PHC3: variants seen among roughly 807,000 people sequenced by gnomAD.
The protein encoded by PHC3 is polyhomeotic homolog 3.
PHC3 carries 13 observed loss-of-function variants against 107.4 expected under a neutral mutation model. The observed-to-expected ratio is 0.12, with a 90% CI of 0.08 to 0.19. The LOEUF (loss-of-function observed/expected upper bound fraction) is 0.19, where lower values mean the gene tolerates loss of function less well. PHC3 is among the 10% of genes least tolerant of loss of function. The pLI, the probability that PHC3 is intolerant of heterozygous loss-of-function variation, is 1.00. For missense variants in PHC3, 992 were observed against 1,210.9 expected, an observed-to-expected ratio of 0.82 and a Z score of 2.68; for synonymous variants, 456 against 427.4, an observed-to-expected ratio of 1.07 and a Z score of -0.83.
chr3:170,102,860 T>C lies in PHC3; in HGVS notation c.2543A>G (p.His848Arg), dbSNP rs371746840. ...AGGGCCACTTGGACGACGGCCACGATGCCCAAGACTTTGATTATCAGGCTT... is the reference window on the plus strand; with the variant it reads ...AGGGCCACTTGGACGACGGCCACGACGCCCAAGACTTTGATTATCAGGCTT... ...NRKPDNQSLGHRGRRPSGPDG... is the reference protein window; with the variant it reads ...NRKPDNQSLGRRGRRPSGPDG... Residue 848 changes from histidine to arginine, a missense_variant, in exon 13 of 15, where the codon CAT (histidine) becomes CGT (arginine). Coordinates refer to ENST00000495893, the MANE Select transcript of PHC3 (RefSeq NM_024947.4). The C allele has an allele frequency of 1.2e-6, 2 of 1,613,866 alleles. No homozygotes were observed. Among genetic ancestry groups the C allele is most frequent in the African/African-American group, 1.3e-5 (1 of 75,058 alleles).
At chr3:170,115,664 A>T (rs1718778854) in intron 10 of PHC3, among the ~76,000 whole-genome samples, 1 of 152,222 alleles carries the variant, frequency 6.6e-6, no homozygotes, top group Admixed American at 6.5e-5. Flanking sequence ...ATGGCCATGA[A>T]GTGCCAGGTA....
Position 170,097,387 on chromosome 3 carries a change from G to A in PHC3, c.2834-3C>T, listed in dbSNP as rs1243939657. On this transcript the variant is annotated splice_polypyrimidine_tract_variant and splice_region_variant and intron_variant, in intron 14 of 14. Coordinates refer to ENST00000495893, the MANE Select transcript of PHC3 (RefSeq NM_024947.4). The surrounding 1 kb of genome is among the most constrained non-coding windows in gnomAD (Gnocchi z 4.1). ...TTCATCTGCGATATCCTGGCAGCCT[G>A]GAATTTGACCAGAGGACAGAAGTTA... The A allele has an allele frequency of 6.2e-7, 1 of 1,611,524 alleles. No homozygotes were observed. The highest frequency in any genetic ancestry group is 1.3e-5 in the African/African-American group (1 of 74,792).
chr3:170,140,656 C>G (rs1277633424), intron 6 of PHC3, among the ~76,000 whole-genome samples: 1 of 128,488 alleles, frequency 7.8e-6, no homozygotes, highest in Admixed American at 9.7e-5. Context: ...TGTAGTGGTG[C>G]GATCTCGGCT....
In PHC3 at chr3:170,091,520, A is replaced by C. The variant is rs1237136474; in HGVS notation, c.*5710T>G. ...ATTAAAATTGTCATCTTTAAGTAAA[A>C]TTAAATGTCAACAAACTATAAAAGG... On this transcript the variant is annotated 3_prime_UTR_variant, in exon 15 of 15. Coordinates refer to ENST00000495893, the MANE Select transcript of PHC3 (RefSeq NM_024947.4). The C allele has an allele frequency of 6.6e-6, 1 of 152,216 alleles. No homozygotes were observed. The highest frequency in any genetic ancestry group is 1.5e-5 in the Non-Finnish European group (1 of 68,034). The allele number at this position is 152,216 out of a possible 1,614,324, so 9.4% of individuals were successfully genotyped here. A position where few individuals can be genotyped will look rare whatever the true frequency, so the allele number is the denominator to read the frequency against.
intron 4 of PHC3, among the ~76,000 whole-genome samples, chr3:170,158,020 TAAAG>T (rs1444386257): frequency 3.9e-5 from 6 of 151,950 alleles, no homozygotes; most frequent in Admixed American, 1.3e-4. Flanking sequence ...AACCAATAAA[TAAAG>T]AAGACAATAA....
intron 4 of PHC3, among the ~76,000 whole-genome samples, chr3:170,158,724 C>T (rs1727319723): frequency 6.7e-6 from 1 of 149,906 alleles, no homozygotes. Flanking sequence ...CTCAGGAGTT[C>T]GAGACCAGCC....
intron 6 of PHC3, among the ~76,000 whole-genome samples, chr3:170,143,419 T>C (rs892307580): frequency 1.3e-5 from 2 of 152,178 alleles, no homozygotes; most frequent in Non-Finnish European, 1.5e-5. Context: ...AATTAATACA[T>C]GAAAATTAGC....
At chr3:170,155,981 T>C (rs1726835960) in intron 4 of PHC3, among the ~76,000 whole-genome samples, 1 of 152,226 alleles carries the variant, frequency 6.6e-6, no homozygotes, top group South Asian at 2.1e-4. Flanking sequence ...TATTTTTCTC[T>C]TTAATGCTTA....
Position 170,129,297 on chromosome 3 carries a change from G to A in PHC3, c.1175C>T (p.Ser392Phe), listed in dbSNP as rs755761126. Residue 392 changes from serine to phenylalanine, a missense_variant, in exon 8 of 15, where the codon TCT becomes TTT. This residue lies in a region of PHC3 where 543 missense variants were observed against 590.8 expected (regional missense o/e 0.92). Transcript: ENST00000495893. ...CTGATTAGGAGACACTGTTAAAGGA[G>A]AGGGATGACTCTGAATCGGTGAACA... Reference protein sequence around the residue: ...QHCSPIQSHPSPLTVSPNQSQ... With the variant: ...QHCSPIQSHPFPLTVSPNQSQ... The A allele has an allele frequency of 2.5e-6, 4 of 1,614,032 alleles. No individual in the cohort carries two copies. Among genetic ancestry groups the A allele is most frequent in the South Asian group, 1.1e-5 (1 of 91,086 alleles).
At chr3:170,131,179 A>C (rs1722213095) in intron 7 of PHC3, among the ~76,000 whole-genome samples, 2 of 151,932 alleles carry the variant, frequency 1.3e-5, no homozygotes, top group African/African-American at 4.8e-5. Context: ...TCAAGTCAAC[A>C]AAATAATTTT....
intron 10 of PHC3, among the ~76,000 whole-genome samples, chr3:170,114,055 C>T (rs1718405025): frequency 6.6e-6 from 1 of 151,810 alleles, no homozygotes; most frequent in South Asian, 2.1e-4. Flanking sequence ...CACAGTTTTG[C>T]TCTTGTTGCA....
At chr3:170,122,353 T>A (rs1720508995) in intron 9 of PHC3, among the ~76,000 whole-genome samples, 1 of 152,178 alleles carries the variant, frequency 6.6e-6, no homozygotes, top group Non-Finnish European at 1.5e-5. Flanking sequence ...CCTGTAATCC[T>A]GACACTTTGC....
At position 170,088,121 on chromosome 3, in the gene PHC3, T is replaced by C. The variant is rs563000421; in HGVS notation, c.*9109A>G. On this transcript the variant is annotated 3_prime_UTR_variant, in exon 15 of 15. Coordinates refer to ENST00000495893, the MANE Select transcript of PHC3 (RefSeq NM_024947.4). ...GAGGACTCTAATACAATATCCAATG[T>C]AAAGAATACATCTATATATAATCTT... 1 of 152,318 alleles carries C rather than the reference T, an allele frequency of 6.6e-6. No individual in the cohort carries two copies. Among genetic ancestry groups the C allele is most frequent in the East Asian group, 1.9e-4 (1 of 5,192 alleles). The allele number at this position is 152,318 out of a possible 1,614,324, so 9.4% of individuals were successfully genotyped here. A position where few individuals can be genotyped will look rare whatever the true frequency, so the allele number is the denominator to read the frequency against.
chr3:170,145,518 T>A lies in PHC3; in HGVS notation c.577A>T (p.Ile193Phe). 1 of 1,610,554 alleles carries A rather than the reference T, an allele frequency of 6.2e-7. No homozygotes were observed. The highest frequency in any genetic ancestry group is 8.5e-7 in the Non-Finnish European group (1 of 1,177,870). The change falls in exon 6 of 15, where the codon ATT (isoleucine) becomes TTT (phenylalanine). Residue 193 changes from isoleucine to phenylalanine, a missense_variant. By Grantham distance (21) the Ile-to-Phe change is conservative (BLOSUM62 0). Around this residue, in one of 6 missense-constraint regions of PHC3, gnomAD observed 35 missense variants for 73.6 expected, o/e 0.48. Transcript: ENST00000495893. ...GCCACAGTGGTAGCGGGTGTGAAAA[T>A]CAGCTGTACAGACAGAAAACCAAAA... ...AQMYLRAQMLIFTPATTVAAV... is the reference protein window; with the variant it reads ...AQMYLRAQMLFFTPATTVAAV...
Position 170,113,495 on chromosome 3 carries a change from C to CTATT in PHC3, c.2214_2217dup (p.Glu740AsnfsTer13). 1 of 1,608,826 alleles carries CTATT rather than the reference C, an allele frequency of 6.2e-7. No homozygotes were observed. Among genetic ancestry groups the CTATT allele is most frequent in the Non-Finnish European group, 8.5e-7 (1 of 1,177,826 alleles). The stretch of plus-strand genomic sequence containing the variant: ...AGAGGCCGTTTTTTCACAGGCTGTT[C>CTATT]TATTAGCAAAGAGGAACGACTCACC... On this transcript the variant is annotated frameshift_variant, in exon 11 of 15. Coordinates refer to ENST00000495893, the MANE Select transcript of PHC3 (RefSeq NM_024947.4). LOFTEE classifies it high-confidence loss of function.
intron 11 of PHC3, among the ~76,000 whole-genome samples, chr3:170,111,820 T>A (rs1169220537): frequency 6.6e-6 from 1 of 152,190 alleles, no homozygotes; most frequent in Non-Finnish European, 1.5e-5. Flanking sequence ...AAAGACAGTA[T>A]CTAGTTTGCT....
chr3:170,114,183 A>G (rs1286649303), intron 10 of PHC3, among the ~76,000 whole-genome samples: 1 of 151,902 alleles, frequency 6.6e-6, no homozygotes, highest in Non-Finnish European at 1.5e-5. Context: ...CTAATTTTGT[A>G]TTTTTAGTAG....
Position 170,150,531 on chromosome 3 carries a change from TAAAAAAAAAAA to T in PHC3, c.415-1298_415-1288del, listed in dbSNP as rs1168514834. 4 of 77,602 alleles carry T rather than the reference TAAAAAAAAAAA, an allele frequency of 5.2e-5. No homozygotes were observed. In the South Asian group the frequency reaches 1.1e-3, roughly 21 times the overall value. The allele number at this position is 77,602 out of a possible 1,614,324, so 4.8% of individuals were successfully genotyped here. A position where few individuals can be genotyped will look rare whatever the true frequency, so the allele number is the denominator to read the frequency against. On this transcript the variant is annotated intron_variant, in intron 4 of 14. Transcript: ENST00000495893. ...TAACATGGTGAAACCCTGTCTCTAC[TAAAAAAAAAAA>T]AAAAAAAAAAAATTAAAAAAATTAG... is the stretch of plus-strand genomic sequence containing the variant.
At chr3:170,161,021 A>G (rs1468169933) in intron 4 of PHC3, among the ~76,000 whole-genome samples, 2 of 152,238 alleles carry the variant, frequency 1.3e-5, no homozygotes, top group Non-Finnish European at 2.9e-5. Context: ...CAAAAAGAGC[A>G]TTAATATCAT....
Sources: gnomAD v4.1 joint callset for allele counts (sites outside exome capture counted in the v4.1 genomes callset) on GRCh38, gnomAD v4.1.1 for gene constraint, gnomAD v4.1.1 regional missense constraint, Gnocchi (gnomAD v3.1) non-coding constraint, MANE v1.5 for transcripts, NCBI Gene and HGNC (gene_info 2026-07-23, HGNC 2026-07-21) for gene names.